INTS6: variants seen among roughly 807,000 people sequenced by gnomAD.
The protein encoded by INTS6 is integrator complex subunit 6.
Under a neutral mutation model 104.9 loss-of-function variants are expected in INTS6, and 16 were observed. The observed-to-expected ratio is 0.15, with a 90% CI of 0.10 to 0.23. The LOEUF (loss-of-function observed/expected upper bound fraction) is 0.23. Among genes scored for constraint, INTS6 ranks in the 10% least tolerant of loss-of-function variants. INTS6 has a pLI of 1.00. For missense variants in INTS6, 584 were observed against 1,062.8 expected (o/e 0.55, Z 6.26); for synonymous variants, 324 against 358.7 (o/e 0.90, Z 1.09).
chr13:51,452,357 C>A lies in INTS6; in HGVS notation c.111+58G>T. The A allele has an allele frequency of 7.0e-7, 1 of 1,434,244 alleles. No homozygotes were observed. Among genetic ancestry groups the A allele is most frequent in the South Asian group, 1.3e-5 (1 of 75,912 alleles). 88.8% of individuals were successfully genotyped at this position (1,434,244 alleles called of 1,614,324 possible). On this transcript the variant is annotated intron_variant, in intron 1 of 17. Coordinates refer to ENST00000311234, the MANE Select transcript of INTS6 (RefSeq NM_012141.3). The surrounding 1 kb of genome is among the most constrained non-coding windows in gnomAD (Gnocchi z 4.2). ...CCCCCGCCCCGGCCGCCCTCCCCCA[C>A]CCTGCCGCCCGCGGGCCGCCGGGCC...
chr13:51,380,918 G>C (rs1956035864), intron 10 of INTS6, among the ~76,000 whole-genome samples: 1 of 151,852 alleles, frequency 6.6e-6, no homozygotes, highest in Non-Finnish European at 1.5e-5. Flanking sequence ...AAAAACTATT[G>C]TGCACCCTTA....
intron 3 of INTS6, chr13:51,445,404 A>G (rs1434524244): frequency 6.6e-6 from 1 of 152,230 alleles, no homozygotes; most frequent in Non-Finnish European, 1.5e-5. Context: ...GAAGATTTTT[A>G]TAATTTTAAT....
intron 7 of INTS6, among the ~76,000 whole-genome samples, chr13:51,386,330 A>G (rs1024672979): frequency 5.3e-5 from 8 of 152,190 alleles, no homozygotes; most frequent in East Asian, 3.8e-4. Context: ...CAACATGACA[A>G]TATTTCATAC....
chr13:51,397,780 C>T (rs1956366343), intron 4 of INTS6, among the ~76,000 whole-genome samples: 1 of 151,976 alleles, frequency 6.6e-6, no homozygotes, highest in African/African-American at 2.4e-5. Context: ...ATGGAACTGT[C>T]TTGAGAATGT....
At chr13:51,396,340 G>C (rs149101769) in intron 4 of INTS6, among the ~76,000 whole-genome samples, 3 of 152,142 alleles carry the variant, frequency 2.0e-5, no homozygotes, top group Non-Finnish European at 4.4e-5. Flanking sequence ...AGTAAATGTA[G>C]AGAGGTTTGG....
chr13:51,397,958 C>T (rs1247645957), intron 4 of INTS6, among the ~76,000 whole-genome samples: 2 of 151,830 alleles, frequency 1.3e-5, no homozygotes, highest in Admixed American at 6.6e-5. Context: ...AAAAAAAAAC[C>T]CCAGCAAGGT....
At chr13:51,388,309 AGTG>A (rs1382384658) in intron 6 of INTS6, among the ~76,000 whole-genome samples, 1 of 151,136 alleles carries the variant, frequency 6.6e-6, no homozygotes, top group Non-Finnish European at 1.5e-5. Flanking sequence ...TACCTACTTT[AGTG>A]GACCACCTCT....
intron 10 of INTS6, 103 bp downstream of exon 10, chr13:51,381,912 AGGCTGGTCTTGATC>A: frequency 2.3e-6 from 1 of 443,520 alleles, no homozygotes; most frequent in Non-Finnish European, 4.0e-6. Flanking sequence ...CATGTTGGCC[AGGCTGGTCTTGATC>A]TCCTGACCTC....
Position 51,361,990 on chromosome 13 carries a change from C to A in INTS6, c.*3762G>T. 6.2e-7 allele frequency: 1 copy of A among 1,610,560 alleles called. No homozygotes were observed. Among genetic ancestry groups the A allele is most frequent in the Non-Finnish European group, 8.5e-7 (1 of 1,178,030 alleles). On this transcript the variant is annotated 3_prime_UTR_variant, in exon 18 of 18. Transcript: ENST00000311234. ...CACTATCCCCTCAAAAATAAGCATT[C>A]TTTCTAGCTGTTTTTATGGTGCTTC...
At chr13:51,393,198 C>A (rs1956275033) in intron 5 of INTS6, among the ~76,000 whole-genome samples, 1 of 152,016 alleles carries the variant, frequency 6.6e-6, no homozygotes, top group African/African-American at 2.4e-5. Flanking sequence ...CTGCCTCAGC[C>A]TCCCGAACAG....
chr13:51,426,150 T>C (rs1956981590), intron 4 of INTS6, among the ~76,000 whole-genome samples: 1 of 152,128 alleles, frequency 6.6e-6, no homozygotes, highest in East Asian at 1.9e-4. Flanking sequence ...AAAATGATCA[T>C]ATACAGCTCA....
chr13:51,406,399 G>A (rs1956566684), intron 4 of INTS6, among the ~76,000 whole-genome samples: 1 of 136,658 alleles, frequency 7.3e-6, no homozygotes, highest in Non-Finnish European at 1.5e-5. Flanking sequence ...CCCTAACTCA[G>A]TAAAATGGCA....
rs1385232673 is a variant in INTS6 at position 51,365,485 on chromosome 13, T to G, written c.*267A>C. On this transcript the variant is annotated 3_prime_UTR_variant, in exon 18 of 18. Coordinates refer to ENST00000311234, the MANE Select transcript of INTS6 (RefSeq NM_012141.3). ...CCTGAGGGAAATTGACACGCAAGAG[T>G]CAATGACAAGCAAGAGATTTGGAGG... The G allele has an allele frequency of 5.1e-6, 1 of 197,752 alleles. No individual in the cohort carries two copies. The highest frequency in any genetic ancestry group is 1.0e-5 in the Non-Finnish European group (1 of 96,828). The allele number at this position is 197,752 out of a possible 1,614,324, so 12.2% of individuals were successfully genotyped here.
chr13:51,399,094 G>A (rs535525727), intron 4 of INTS6, among the ~76,000 whole-genome samples: 2 of 152,238 alleles, frequency 1.3e-5, no homozygotes, highest in East Asian at 3.9e-4. Context: ...ATGGAGTATT[G>A]TCTCTTTGGT....
At chr13:51,422,238 A>G (rs1210995714) in intron 4 of INTS6, among the ~76,000 whole-genome samples, 1 of 152,134 alleles carries the variant, frequency 6.6e-6, no homozygotes, top group Non-Finnish European at 1.5e-5. Context: ...CATCTCAGTT[A>G]ACACTACCAA....
intron 6 of INTS6, among the ~76,000 whole-genome samples, chr13:51,387,935 C>T (rs1319334466): frequency 1.3e-5 from 2 of 152,112 alleles, no homozygotes; most frequent in Non-Finnish European, 2.9e-5. Flanking sequence ...CAGTGCCAGG[C>T]ACACAATAAA....
chr13:51,409,153 A>T (rs1022801360), intron 4 of INTS6, among the ~76,000 whole-genome samples: 3 of 151,830 alleles, frequency 2.0e-5, no homozygotes, highest in African/African-American at 2.4e-5. Flanking sequence ...TTTTAGCACC[A>T]TGAGTTTGAA....
intron 16 of INTS6, among the ~76,000 whole-genome samples, chr13:51,368,702 T>C (rs2137860864): frequency 1.3e-5 from 2 of 152,258 alleles, no homozygotes; most frequent in Middle Eastern, 6.8e-3. Flanking sequence ...TGTCAATTTA[T>C]CTGTACAGTG....
rs564715727 is a variant in INTS6 at position 51,450,933 on chromosome 13, C to T, written c.339+92G>A. The T allele has an allele frequency of 5.1e-6, 7 of 1,375,706 alleles. No individual in the cohort carries two copies. In the South Asian group the frequency reaches 1.3e-4, roughly 26 times the overall value. 85.2% of individuals were successfully genotyped at this position (1,375,706 alleles called of 1,614,324 possible). ...CTATTTTAATTTGGAATGTTTTATA[C>T]TTGCATTTCATGTTATGTAGTTTTT... On this transcript the variant is annotated intron_variant, in intron 3 of 17. Coordinates refer to ENST00000311234, the MANE Select transcript of INTS6 (RefSeq NM_012141.3).
Sources: allele counts gnomAD v4.1 joint callset (sites outside exome capture counted in the v4.1 genomes callset), GRCh38; gene constraint gnomAD v4.1.1; non-coding constraint Gnocchi (gnomAD v3.1); transcripts MANE v1.5; gene names NCBI Gene and HGNC (gene_info 2026-07-23, HGNC 2026-07-21).